Variants in RGS6 observed in about 807,000 individuals in gnomAD.
RGS6 encodes the protein regulator of G-protein signaling 6.
A neutral mutation model predicts 78.5 loss-of-function variants in RGS6; 30 were observed. The ratio of observed to expected loss-of-function variants is 0.38; its 90% confidence interval spans 0.29 to 0.52. The LOEUF (loss-of-function observed/expected upper bound fraction) is 0.52, where lower values mean the gene tolerates loss of function less well. Among genes scored for constraint, RGS6 ranks in the 20% least tolerant of loss-of-function variants. The probability of loss-of-function intolerance (pLI) is 0.85; values close to 1 mark genes in which losing one functional copy is unlikely to be tolerated. For missense variants in RGS6, 495 were observed against 609.7 expected (o/e 0.81, Z 1.98); for synonymous variants, 206 against 206.0 (o/e 1.00, Z 0.00).
At chr14:72,129,616 G>A (rs568711079) in intron 2 of RGS6, among the ~76,000 whole-genome samples, 178 of 152,242 alleles carry the variant, frequency 1.2e-3, no homozygotes, top group African/African-American at 4.3e-3. Context: ...CGGTGGCTCC[G>A]CTTGACTACA....
chr14:71,934,543 A>G (rs553369985), intron 1 of RGS6, among the ~76,000 whole-genome samples: 3 of 152,262 alleles, frequency 2.0e-5, no homozygotes, highest in Non-Finnish European at 4.4e-5. Flanking sequence ...CTTTGAAGCA[A>G]TAAATTCATC....
intron 2 of RGS6, among the ~76,000 whole-genome samples, chr14:72,076,214 C>T (rs2094568787): frequency 6.6e-6 from 1 of 152,202 alleles, no homozygotes; most frequent in Non-Finnish European, 1.5e-5. Flanking sequence ...CTTCACTCCG[C>T]CATGATTGAA....
At chr14:72,524,289 C>T (rs987697081) in intron 15 of RGS6, among the ~76,000 whole-genome samples, 2 of 152,202 alleles carry the variant, frequency 1.3e-5, no homozygotes, top group African/African-American at 4.8e-5. Context: ...AGTAGCAAAG[C>T]ATTGCAGGCT....
At chr14:72,561,623 C>T (rs901816783) in intron 17 of RGS6, among the ~76,000 whole-genome samples, 3 of 152,330 alleles carry the variant, frequency 2.0e-5, no homozygotes, top group East Asian at 3.9e-4. Context: ...ACATACACAA[C>T]GGGACTCTCC....
chr14:72,518,602 T>C (rs2096985212), intron 15 of RGS6, 65 bp downstream of exon 15: 3 of 1,456,562 alleles, frequency 2.1e-6, no homozygotes, highest in Middle Eastern at 1.8e-4. Context: ...GCCTGACCTA[T>C]TAACACAAGT....
intron 3 of RGS6, among the ~76,000 whole-genome samples, chr14:72,453,521 C>G (rs1242062103): frequency 3.6e-5 from 5 of 138,338 alleles, no homozygotes; most frequent in African/African-American, 1.4e-4. Flanking sequence ...GAGGCTGAGG[C>G]AGGAGAATGG....
intron 14 of RGS6, among the ~76,000 whole-genome samples, chr14:72,516,061 A>G (rs1035721527): frequency 6.6e-6 from 1 of 152,224 alleles, no homozygotes; most frequent in Non-Finnish European, 1.5e-5. Flanking sequence ...TCTGCCTAGC[A>G]TGGGGCTGAG....
At chr14:72,481,272 T>C (rs909728655) in intron 12 of RGS6, among the ~76,000 whole-genome samples, 7 of 152,218 alleles carry the variant, frequency 4.6e-5, no homozygotes, top group African/African-American at 1.7e-4. Context: ...TAATAATTAT[T>C]TTCCAGCATG....
the RGS6 span, among the ~76,000 whole-genome samples, chr14:71,873,622 G>T: frequency 6.6e-6 from 1 of 152,072 alleles, no homozygotes; most frequent in Non-Finnish European, 1.5e-5. Flanking sequence ...AGTTTCTTTT[G>T]CTGTGCAGAA....
At chr14:72,504,602 G>A (rs2096771590) in intron 13 of RGS6, among the ~76,000 whole-genome samples, 1 of 152,028 alleles carries the variant, frequency 6.6e-6, no homozygotes, top group Non-Finnish European at 1.5e-5. Context: ...GATTATTTAG[G>A]TATTATCTAG....
At chr14:71,974,440 T>C (rs1227685048) in intron 2 of RGS6, among the ~76,000 whole-genome samples, 2 of 152,214 alleles carry the variant, frequency 1.3e-5, no homozygotes. Context: ...AATAGTGATA[T>C]CTTTCTGGTA....
chr14:72,474,609 G>GC lies in RGS6; in HGVS notation c.619-16_619-15insC, dbSNP rs2096185168. 2 of 1,414,914 alleles carry GC rather than the reference G, an allele frequency of 1.4e-6. No homozygotes were observed. Among genetic ancestry groups the GC allele is most frequent in the African/African-American group, 2.9e-5 (2 of 68,988 alleles). 87.6% of individuals were successfully genotyped at this position (1,414,914 alleles called of 1,614,324 possible). A position where few individuals can be genotyped will look rare whatever the true frequency, so the allele number is the denominator to read the frequency against. ...TTTCACGTAGTAATTTATATGATGT[G>GC]TTTTTTTTTTCTCAGCCAGGCTGTG... On this transcript the variant is annotated splice_polypyrimidine_tract_variant and intron_variant, in intron 9 of 17. Coordinates refer to ENST00000553525, the MANE Select transcript of RGS6 (RefSeq NM_001204424.2).
At chr14:72,204,466 T>C (rs2042276420) in intron 2 of RGS6, among the ~76,000 whole-genome samples, 1 of 152,188 alleles carries the variant, frequency 6.6e-6, no homozygotes, top group South Asian at 2.1e-4. Context: ...TTTCAACCTT[T>C]GTAAAACAAG....
chr14:72,355,999 G>T (rs2080190200), intron 3 of RGS6, among the ~76,000 whole-genome samples: 1 of 152,148 alleles, frequency 6.6e-6, no homozygotes, highest in Non-Finnish European at 1.5e-5. Context: ...TATCACTGCA[G>T]GATTTTGCAC....
the RGS6 span, chr14:72,619,194 G>T: frequency 8.7e-7 from 1 of 1,152,934 alleles, no homozygotes; most frequent in Non-Finnish European, 1.2e-6. Context: ...TCTTTTCCTT[G>T]CAGTTGGTCT....
chr14:72,456,489 C>T (rs1334043050), intron 4 of RGS6, among the ~76,000 whole-genome samples: 1 of 152,182 alleles, frequency 6.6e-6, no homozygotes, highest in Admixed American at 6.5e-5. Context: ...AGATGGGGAT[C>T]TCACTGTGTT....
At chr14:72,437,994 G>T (rs2095017029) in intron 3 of RGS6, among the ~76,000 whole-genome samples, 1 of 152,238 alleles carries the variant, frequency 6.6e-6, no homozygotes, top group African/African-American at 2.4e-5. Flanking sequence ...ATAGGGCAGA[G>T]CCATCAGATG....
At chr14:72,300,614 A>G (rs1471086701) in intron 2 of RGS6, among the ~76,000 whole-genome samples, 1 of 152,204 alleles carries the variant, frequency 6.6e-6, no homozygotes, top group Non-Finnish European at 1.5e-5. Context: ...AATGTGACTG[A>G]GTTGTGAAAC....
At chr14:72,072,528 C>T (rs770083117) in intron 2 of RGS6, among the ~76,000 whole-genome samples, 4 of 151,538 alleles carry the variant, frequency 2.6e-5, no homozygotes, top group Admixed American at 1.3e-4. Flanking sequence ...AGGATGGTGT[C>T]GATCTCCTGA....
Sources: gnomAD v4.1 joint callset for allele counts (sites outside exome capture counted in the v4.1 genomes callset) on GRCh38, gnomAD v4.1.1 for gene constraint, MANE v1.5 for transcripts, NCBI Gene and HGNC (gene_info 2026-07-23, HGNC 2026-07-21) for gene names.